Variants in COBL observed in about 807,000 individuals in gnomAD.
COBL encodes protein cordon-bleu.
COBL carries 51 observed loss-of-function variants against 98.8 expected under a neutral mutation model. The ratio of observed to expected loss-of-function variants is 0.52; its 90% CI spans 0.41 to 0.65. The LOEUF (loss-of-function observed/expected upper bound fraction) is 0.65, where lower values mean the gene tolerates loss of function less well. Ranked by LOEUF, COBL falls within the 30% of genes least tolerant of loss-of-function variation. The pLI is 0.00. For synonymous variants in COBL, 634 were observed against 651.7 expected, an observed-to-expected ratio of 0.97 and a Z score of 0.41; for missense variants, 1,617 against 1,617.5, an observed-to-expected ratio of 1.00 and a Z score of 0.01.
rs375921623 is a variant in COBL at position 51,026,605 on chromosome 7, C to T, written c.3445G>A (p.Glu1149Lys). ...AKLSYTEAEGERSALLAAIRG... is the reference protein window; with the variant it reads ...AKLSYTEAEGKRSALLAAIRG... ...ATAGCTGCCAGCAGTGCAGATCGTT[C>T]GCCCTCTGCCTCCGTGTAGGACAGT... Residue 1149 changes from glutamate to lysine, a missense_variant, in exon 11 of 13, where the codon GAA becomes AAA. Transcript: ENST00000265136. 125 of 1,614,040 alleles carry T rather than the reference C, an allele frequency of 7.7e-5. No homozygotes were observed. Among genetic ancestry groups the T allele is most frequent in the Non-Finnish European group, 8.1e-5 (95 of 1,180,042 alleles).
chr7:51,065,814 G>A (rs1000601498), intron 7 of COBL, among the ~76,000 whole-genome samples: 4 of 152,214 alleles, frequency 2.6e-5, no homozygotes, highest in African/African-American at 4.8e-5. Flanking sequence ...TCTTTTAAAC[G>A]ATGTTTAAGT....
intron 1 of COBL, chr7:51,259,286 C>CAAAA (rs778118572): frequency 1.7e-4 from 13 of 76,722 alleles, no homozygotes; most frequent in South Asian, 3.3e-4. Flanking sequence ...GACTCCAGCT[C>CAAAA]AAAAAAAAAA....
intron 5 of COBL, among the ~76,000 whole-genome samples, chr7:51,182,658 G>A (rs2129051297): frequency 6.8e-6 from 1 of 146,612 alleles, no homozygotes; most frequent in Admixed American, 6.8e-5. Context: ...GAGTAGGGGG[G>A]AAGAGAGGGG....
chr7:51,155,051 C>T (rs986363053), intron 5 of COBL, among the ~76,000 whole-genome samples: 6 of 152,200 alleles, frequency 3.9e-5, no homozygotes, highest in Non-Finnish European at 5.9e-5. Flanking sequence ...ACTCTGTCCT[C>T]ATAGAGCTTA....
chr7:51,082,628 C>A lies in COBL; in HGVS notation c.1096+2538G>T, dbSNP rs910622780. Among the ~76,000 whole-genome samples, 5 of 152,110 alleles carry A rather than the reference C, an allele frequency of 3.3e-5. No homozygotes were observed. In the East Asian group the frequency reaches 9.6e-4, roughly 29 times the overall value. ...CTTGGCCGCTGGCGACAGAGTTCCACAGCTAACTTACGAAGGACGTCCTCC... is the reference window on the plus strand; with the variant it reads ...CTTGGCCGCTGGCGACAGAGTTCCAAAGCTAACTTACGAAGGACGTCCTCC... On this transcript the variant is annotated intron_variant, in intron 7 of 12. Transcript: ENST00000265136.
chr7:51,209,882 C>T (rs988950673), intron 2 of COBL, among the ~76,000 whole-genome samples: 7 of 152,168 alleles, frequency 4.6e-5, no homozygotes, highest in African/African-American at 1.7e-4. Context: ...AATGCAACTA[C>T]TGTGATCCTC....
chr7:51,266,686 A>G (rs59451580), intron 1 of COBL, among the ~76,000 whole-genome samples: 1,526 of 152,322 alleles, frequency 0.01, 26 homozygotes, highest in African/African-American at 0.035. Flanking sequence ...AACATGGCAT[A>G]TGCAAGGGCT....
At chr7:51,228,781 C>T (rs575928994) in intron 1 of COBL, among the ~76,000 whole-genome samples, 2 of 152,294 alleles carry the variant, frequency 1.3e-5, no homozygotes, top group South Asian at 4.1e-4. Flanking sequence ...AAGAAAGAGC[C>T]TGTCGGTGAG....
chr7:51,068,499 G>A (rs1480137527), intron 7 of COBL, among the ~76,000 whole-genome samples: 2 of 152,066 alleles, frequency 1.3e-5, no homozygotes, highest in African/African-American at 4.8e-5. Context: ...CCCATTCGAT[G>A]TACAGTACTG....
At chr7:51,154,426 C>A (rs940085076) in intron 5 of COBL, among the ~76,000 whole-genome samples, 3 of 152,244 alleles carry the variant, frequency 2.0e-5, no homozygotes, top group African/African-American at 7.2e-5. Context: ...ACATCACTCA[C>A]AGTTCCATGG....
chr7:51,026,957 C>T (rs1320121026), intron 10 of COBL, among the ~76,000 whole-genome samples: 3 of 152,188 alleles, frequency 2.0e-5, no homozygotes, highest in Non-Finnish European at 2.9e-5. Flanking sequence ...GTCAGTTTTA[C>T]ACCCTGTCTA....
At chr7:51,221,793 G>A (rs1793665223) in intron 1 of COBL, among the ~76,000 whole-genome samples, 1 of 152,152 alleles carries the variant, frequency 6.6e-6, no homozygotes, top group Admixed American at 6.5e-5. Flanking sequence ...AAATGAAAGA[G>A]GTCATTTAAA....
At chr7:51,166,653 A>C (rs1787345029) in intron 5 of COBL, among the ~76,000 whole-genome samples, 1 of 152,152 alleles carries the variant, frequency 6.6e-6, no homozygotes, top group Admixed American at 6.5e-5. Flanking sequence ...ACATCAACAA[A>C]AGAAAACTAC....
intron 8 of COBL, among the ~76,000 whole-genome samples, chr7:51,042,473 T>C (rs1789292734): frequency 6.6e-6 from 1 of 152,088 alleles, no homozygotes; most frequent in African/African-American, 2.4e-5. Context: ...AATCCTCCCA[T>C]CTCAGCCTCC....
intron 5 of COBL, among the ~76,000 whole-genome samples, chr7:51,139,384 G>A (rs1240066012): frequency 6.6e-6 from 1 of 152,190 alleles, no homozygotes; most frequent in East Asian, 1.9e-4. Flanking sequence ...CCCCATCCCA[G>A]TCCTCCTAGA....
At chr7:51,316,390 C>A in intron 1 of COBL, 1 of 350,710 alleles carries the variant, frequency 2.9e-6, no homozygotes, top group Non-Finnish European at 4.9e-6. Flanking sequence ...TGGGCAACGA[C>A]CCGGGTGCCC....
At chr7:51,037,037 T>C (rs976944874) in intron 8 of COBL, among the ~76,000 whole-genome samples, 1 of 152,204 alleles carries the variant, frequency 6.6e-6, no homozygotes, top group Non-Finnish European at 1.5e-5. Context: ...TACAGTCTCC[T>C]CTACTTCCCC....
At chr7:51,089,080 G>A (rs1794557862) in intron 6 of COBL, among the ~76,000 whole-genome samples, 1 of 152,176 alleles carries the variant, frequency 6.6e-6, no homozygotes, top group Non-Finnish European at 1.5e-5. Context: ...TTCATCATCA[G>A]CTCGTTCCAC....
At chr7:51,204,430 G>A (rs755993938) in intron 2 of COBL, among the ~76,000 whole-genome samples, 9 of 151,948 alleles carry the variant, frequency 5.9e-5, no homozygotes, top group Admixed American at 2.0e-4. Flanking sequence ...AAATTATCCC[G>A]GGTTACAAGT....
Sources: allele counts gnomAD v4.1 joint callset (sites outside exome capture counted in the v4.1 genomes callset), GRCh38; gene constraint gnomAD v4.1.1; transcripts MANE v1.5; gene names NCBI Gene and HGNC (gene_info 2026-07-23, HGNC 2026-07-21).